Variants in PTPRQ observed in about 807,000 individuals in gnomAD.
The protein encoded by PTPRQ is protein tyrosine phosphatase receptor type Q.
A neutral mutation model predicts 246.0 loss-of-function variants in PTPRQ; 199 were observed. The ratio of observed to expected loss-of-function variants is 0.81; its 90% confidence interval spans 0.72 to 0.91. The LOEUF (loss-of-function observed/expected upper bound fraction) is 0.91. Among genes scored for constraint, PTPRQ ranks in the 40% least tolerant of loss-of-function variants. The pLI is 0.00. For synonymous variants in PTPRQ, 869 were observed against 853.2 expected, an observed-to-expected ratio of 1.02 and a Z score of -0.32; for missense variants, 2,624 against 2,528.4, an observed-to-expected ratio of 1.04 and a Z score of -0.81.
chr12:80,461,267 A>C (rs1297794859), intron 6 of PTPRQ, among the ~76,000 whole-genome samples: 1 of 152,158 alleles, frequency 6.6e-6, no homozygotes, highest in Non-Finnish European at 1.5e-5. Flanking sequence ...AAGCAGAAAT[A>C]CCTGCACTAG....
At chr12:80,519,034 G>GATTGCA (rs1234600599) in intron 17 of PTPRQ, among the ~76,000 whole-genome samples, 1 of 152,084 alleles carries the variant, frequency 6.6e-6, no homozygotes, top group East Asian at 1.9e-4. Context: ...TTTTGACAGA[G>GATTGCA]ATTGCATTGC....
At chr12:80,490,738 A>T (rs986552493) in intron 9 of PTPRQ, among the ~76,000 whole-genome samples, 1 of 151,884 alleles carries the variant, frequency 6.6e-6, no homozygotes, top group Non-Finnish European at 1.5e-5. Context: ...TAAATCAGTG[A>T]GTTGCGAATT....
chr12:80,446,770 G>A (rs745326256), intron 3 of PTPRQ, among the ~76,000 whole-genome samples: 1 of 151,852 alleles, frequency 6.6e-6, no homozygotes, highest in Non-Finnish European at 1.5e-5. Flanking sequence ...TATTTTTTAT[G>A]CCTGCATAGT....
At position 80,477,197 on chromosome 12, in the gene PTPRQ, A is replaced by G. The variant is rs1592555422; in HGVS notation, c.1186+4946A>G. On this transcript the variant is annotated intron_variant, in intron 8 of 44. Coordinates refer to ENST00000644991, the MANE Select transcript of PTPRQ (RefSeq NM_001145026.2). ...GTGAGGGCACCTGAAATTTGAAAAT[A>G]ACATGATTATTTTTAAAATATCAGA... is the stretch of plus-strand genomic sequence containing the variant. 2.0e-5 allele frequency among the ~76,000 whole-genome samples: 3 copies of G among 152,258 alleles called. No individual in the cohort carries two copies. The East Asian group carries it at 5.8e-4, about 29-fold the overall frequency.
Position 80,670,351 on chromosome 12 carries a change from A to G in PTPRQ, c.6461A>G (p.Asp2154Gly). ...IRDLKIERHG[D>G]CMTVRQCNFT... ...ATCCGTCCCTTTGTCTAGCATGGGG[A>G]TTGCATGACTGTTCGACAGTGTAAC... Residue 2154 changes from aspartate (D) to glycine (G), a missense_variant, in exon 42 of 45, where the codon GAT becomes GGT. Physicochemically the swap from Asp to Gly is moderately conservative, Grantham distance 94. Coordinates refer to ENST00000644991, the MANE Select transcript of PTPRQ (RefSeq NM_001145026.2). The G allele has an allele frequency of 6.4e-7, 1 of 1,550,440 alleles. No individual in the cohort carries two copies. Among genetic ancestry groups the G allele is most frequent in the African/African-American group, 1.4e-5 (1 of 73,044 alleles).
At chr12:80,523,052 G>T (rs1380424128) in intron 17 of PTPRQ, among the ~76,000 whole-genome samples, 4 of 152,102 alleles carry the variant, frequency 2.6e-5, no homozygotes, top group Non-Finnish European at 4.4e-5. Flanking sequence ...CCTGTTATTG[G>T]TCTATTCAGA....
intron 16 of PTPRQ, among the ~76,000 whole-genome samples, chr12:80,508,224 C>T (rs1179547733): frequency 6.6e-6 from 1 of 151,884 alleles, no homozygotes. Flanking sequence ...TACAGAAAAT[C>T]GAGAATGGAT....
At chr12:80,484,865 T>G (rs1894221604) in intron 9 of PTPRQ, among the ~76,000 whole-genome samples, 1 of 152,176 alleles carries the variant, frequency 6.6e-6, no homozygotes, top group Non-Finnish European at 1.5e-5. Flanking sequence ...GGTATTTTCA[T>G]AAGTTAATAT....
At chr12:80,531,856 A>G (rs1895853869) in intron 17 of PTPRQ, among the ~76,000 whole-genome samples, 1 of 152,174 alleles carries the variant, frequency 6.6e-6, no homozygotes, top group South Asian at 2.1e-4. Flanking sequence ...TTGGGAGTAA[A>G]CCAAGCTAGA....
chr12:80,579,792 T>C (rs967500064), intron 25 of PTPRQ, among the ~76,000 whole-genome samples: 3 of 152,168 alleles, frequency 2.0e-5, no homozygotes, highest in Non-Finnish European at 4.4e-5. Flanking sequence ...TATCTGTATG[T>C]TGTGTTTCTA....
At chr12:80,449,298 G>A (rs562811993) in intron 3 of PTPRQ, among the ~76,000 whole-genome samples, 1 of 152,088 alleles carries the variant, frequency 6.6e-6, no homozygotes, top group African/African-American at 2.4e-5. Context: ...TGAGTAGGTT[G>A]TGAAAATTTT....
chr12:80,670,579 G>A, intron 42 of PTPRQ, 87 bp downstream of exon 42: 2 of 1,392,234 alleles, frequency 1.4e-6, no homozygotes, highest in Non-Finnish European at 1.9e-6. Context: ...AAATGTTCAT[G>A]TAAATTTCTT....
chr12:80,593,212 T>G (rs1348348136), intron 26 of PTPRQ, among the ~76,000 whole-genome samples: 1 of 152,178 alleles, frequency 6.6e-6, no homozygotes, highest in Non-Finnish European at 1.5e-5. Flanking sequence ...GGATCTTCTC[T>G]ATAAAGAGTT....
At chr12:80,525,500 T>C (rs1486089803) in intron 17 of PTPRQ, among the ~76,000 whole-genome samples, 1 of 152,140 alleles carries the variant, frequency 6.6e-6, no homozygotes, top group African/African-American at 2.4e-5. Context: ...CATTGAGTCT[T>C]GAAGCCAGAA....
chr12:80,666,104 T>G (rs1293460979), intron 39 of PTPRQ, among the ~76,000 whole-genome samples: 1 of 152,012 alleles, frequency 6.6e-6, no homozygotes. Flanking sequence ...CAAAGGCATA[T>G]CTATGCTTAC....
chr12:80,587,573 A>G (rs990293399), intron 25 of PTPRQ, among the ~76,000 whole-genome samples: 7 of 152,214 alleles, frequency 4.6e-5, no homozygotes, highest in African/African-American at 1.7e-4. Flanking sequence ...AATGACTCCA[A>G]GCAGGACTAC....
At chr12:80,542,398 C>T (rs958525246) in intron 22 of PTPRQ, 34 bp downstream of exon 22, 17 of 1,514,410 alleles carry the variant, frequency 1.1e-5, no homozygotes, top group African/African-American at 2.8e-5. Context: ...CAAACAATTT[C>T]ACTGTTGCAG....
chr12:80,555,248 G>T (rs1466399141), intron 25 of PTPRQ, among the ~76,000 whole-genome samples: 2 of 151,814 alleles, frequency 1.3e-5, no homozygotes, highest in Non-Finnish European at 2.9e-5. Flanking sequence ...TTTTTGTAGA[G>T]ATAGTCTCAC....
At position 80,549,607 on chromosome 12, in the gene PTPRQ, C is replaced by G. The variant is rs768266349; in HGVS notation, c.4158C>G (p.Pro1386=). The G allele has an allele frequency of 1.1e-5, 17 of 1,551,170 alleles. No homozygotes were observed. In the East Asian group the frequency reaches 2.0e-4, roughly 18 times the overall value. ...AAAGGAATTCTACAAAAGTTTCTCCCCAAGATCACATGTACACTTTCATAA... is the reference window on the plus strand; with the variant it reads ...AAAGGAATTCTACAAAAGTTTCTCCGCAAGATCACATGTACACTTTCATAA... The part of the protein sequence containing the change: ...TVERNSTKVS[P]QDHMYTFIKL... Residue 1386 remains proline, a synonymous_variant, in exon 25 of 45, where the codon CCC becomes CCG. Coordinates refer to ENST00000644991, the MANE Select transcript of PTPRQ (RefSeq NM_001145026.2).
Sources: allele counts gnomAD v4.1 joint callset (sites outside exome capture counted in the v4.1 genomes callset), GRCh38; gene constraint gnomAD v4.1.1; transcripts MANE v1.5; gene names NCBI Gene and HGNC (gene_info 2026-07-23, HGNC 2026-07-21).